The following CXADR variants were observed in gnomAD, a reference collection of about 807,000 sequenced individuals.
CXADR encodes coxsackievirus and adenovirus receptor.
In CXADR, 20 loss-of-function variants were observed where a neutral mutation model predicts 40.3. That is an observed-to-expected ratio of 0.50 (90% CI 0.35 to 0.72). The LOEUF (loss-of-function observed/expected upper bound fraction) is 0.72. Ranked by LOEUF, CXADR falls within the 30% of genes least tolerant of loss-of-function variation. The probability of loss-of-function intolerance (pLI) is 0.01; values close to 1 mark genes in which losing one functional copy is unlikely to be tolerated. For missense variants in CXADR, 332 were observed against 449.1 expected, an observed-to-expected ratio of 0.74 and a Z score of 2.36; for synonymous variants, 150 against 161.3, an observed-to-expected ratio of 0.93 and a Z score of 0.53.
chr21:17,602,636 A>T, the CXADR span, among the ~76,000 whole-genome samples: 2 of 152,228 alleles, frequency 1.3e-5, no homozygotes, highest in African/African-American at 2.4e-5. Flanking sequence ...TGTGAAAAAA[A>T]TCACATCAGA....
rs1445995889 is a variant in CXADR at position 17,513,932 on chromosome 21, T to A, written c.43+760T>A. 2.0e-5 allele frequency among the ~76,000 whole-genome samples: 3 copies of A among 152,288 alleles called. No homozygotes were observed. In the East Asian group the frequency reaches 5.8e-4, roughly 29 times the overall value. On this transcript the variant is annotated intron_variant, in intron 1 of 6. Transcript: ENST00000284878. Reference sequence around the variant, plus strand: ...ATTTTGGAGATAAGACGGGCTGAGTTGTACAGGGTAATTGCTAGAGGATTT... The same window carrying A: ...ATTTTGGAGATAAGACGGGCTGAGTAGTACAGGGTAATTGCTAGAGGATTT...
chr21:17,562,860 G>A (rs1015009546), intron 6 of CXADR, among the ~76,000 whole-genome samples: 2 of 152,128 alleles, frequency 1.3e-5, no homozygotes, highest in Non-Finnish European at 2.9e-5. Context: ...TTCTTCTGCA[G>A]CTGCCTTAGC....
chr21:17,589,308 G>A (rs1311577247), intron 7 of CXADR, among the ~76,000 whole-genome samples: 2 of 152,102 alleles, frequency 1.3e-5, no homozygotes, highest in East Asian at 3.9e-4. Context: ...ACAACAGATT[G>A]TCCACAAAAC....
At chr21:17,572,506 A>C (rs1298068595), downstream of CXADR, among the ~76,000 whole-genome samples, 1 of 152,218 alleles carries the variant, frequency 6.6e-6, no homozygotes, top group South Asian at 2.1e-4. Context: ...GCGAACACGG[A>C]AAACAGAACT....
the CXADR span, among the ~76,000 whole-genome samples, chr21:17,635,955 A>G: frequency 2.0e-5 from 3 of 152,212 alleles, no homozygotes; most frequent in Non-Finnish European, 4.4e-5. Context: ...GTCTTCTTTA[A>G]CATTTAATTT....
chr21:17,594,833 G>T (rs1324437601), downstream of CXADR, among the ~76,000 whole-genome samples: 1 of 151,948 alleles, frequency 6.6e-6, no homozygotes, highest in Non-Finnish European at 1.5e-5. Context: ...ATAGACATTG[G>T]AGTCTATTTG....
At chr21:17,609,241 T>TC in the CXADR span, 9 of 1,210,384 alleles carry the variant, frequency 7.4e-6, no homozygotes, top group African/African-American at 1.2e-4. Context: ...TTTACAGCTC[T>TC]CCCCTTCCTC....
At position 17,531,886 on chromosome 21, in the gene CXADR, G is replaced by A. The variant is rs903942421; in HGVS notation, c.44-15141G>A. On this transcript the variant is annotated intron_variant, in intron 1 of 6. Coordinates refer to ENST00000284878, the MANE Select transcript of CXADR (RefSeq NM_001338.5). ...TGTTGAGATTACAGGCTTGAGCTAC[G>A]GTACCTAGGGTCTAATAAAAGGTGT... is the stretch of plus-strand genomic sequence containing the variant. Among the ~76,000 whole-genome samples, 4 of 151,788 alleles carry A rather than the reference G, an allele frequency of 2.6e-5. No individual in the cohort carries two copies. The South Asian group carries it at 6.2e-4, about 24-fold the overall frequency.
chr21:17,546,340 A>T (rs1160440713), intron 1 of CXADR, among the ~76,000 whole-genome samples: 4 of 152,226 alleles, frequency 2.6e-5, no homozygotes, highest in African/African-American at 9.6e-5. Flanking sequence ...GACTGACCGT[A>T]TTAGTCCATT....
At chr21:17,575,569 C>T (rs1180623526) in intron 7 of CXADR, among the ~76,000 whole-genome samples, 1 of 149,318 alleles carries the variant, frequency 6.7e-6, no homozygotes, top group Non-Finnish European at 1.5e-5. Flanking sequence ...CTGCTCACTG[C>T]AAGCTCCGCC....
chr21:17,625,225 A>ATT, the CXADR span, among the ~76,000 whole-genome samples: 894 of 149,106 alleles, frequency 6.0e-3, 12 homozygotes, highest in African/African-American at 0.019. Context: ...CTAAGGAACT[A>ATT]TTTTTTTTTT....
intron 1 of CXADR, among the ~76,000 whole-genome samples, chr21:17,530,828 GA>G (rs2060664724): frequency 6.6e-6 from 1 of 152,040 alleles, no homozygotes; most frequent in Non-Finnish European, 1.5e-5. Context: ...AAAAGAAAAA[GA>G]AAATACTACT....
At chr21:17,622,085 C>A in the CXADR span, among the ~76,000 whole-genome samples, 1 of 152,140 alleles carries the variant, frequency 6.6e-6, no homozygotes, top group African/African-American at 2.4e-5. Flanking sequence ...AAAGGAATTG[C>A]CTCTGAGGCA....
At chr21:17,590,986 T>C (rs2123406259) in intron 7 of CXADR, among the ~76,000 whole-genome samples, 1 of 152,178 alleles carries the variant, frequency 6.6e-6, no homozygotes, top group South Asian at 2.1e-4. Context: ...GCCAAAGATT[T>C]ATTAGTGGTT....
chr21:17,573,549 A>G (rs780889168), downstream of CXADR, among the ~76,000 whole-genome samples: 2 of 152,150 alleles, frequency 1.3e-5, no homozygotes, highest in Non-Finnish European at 2.9e-5. Flanking sequence ...GGAATATACT[A>G]TCTTTATTTC....
chr21:17,547,898 TAA>T (rs1217884628), intron 2 of CXADR, among the ~76,000 whole-genome samples: 3 of 152,144 alleles, frequency 2.0e-5, no homozygotes, highest in African/African-American at 7.2e-5. Flanking sequence ...ATCAAAGTAA[TAA>T]GAGTCTAATG....
rs1282071445 is a variant in CXADR at position 17,581,259 on chromosome 21, CAA to C, written c.1018-11892_1018-11891del. ...TTGGTATAACAAGTAAAATTACAAT[CAA>C]TATATATGTATATATGTCATTTTGT... On this transcript the variant is annotated intron_variant, in intron 7 of 7. Coordinates refer to the CXADR transcript ENST00000400169. Among the ~76,000 whole-genome samples, 24 of 152,140 alleles carry C rather than the reference CAA, an allele frequency of 1.6e-4. No homozygotes were observed. In the East Asian group the frequency reaches 4.4e-3, roughly 28 times the overall value.
At chr21:17,626,486 TCTTA>T in the CXADR span, among the ~76,000 whole-genome samples, 3 of 152,310 alleles carry the variant, frequency 2.0e-5, no homozygotes, top group South Asian at 4.1e-4. Flanking sequence ...TTTCTTTATT[TCTTA>T]CTTGATGAAA....
Position 17,567,353 on chromosome 21 carries a change from A to G in CXADR, c.*1661A>G, listed in dbSNP as rs1486183050. The G allele has an allele frequency of 1.0e-6, 1 of 985,034 alleles. No homozygotes were observed. The highest frequency in any genetic ancestry group is 1.1e-4 in the East Asian group (1 of 8,832). 61.0% of individuals were successfully genotyped at this position (985,034 alleles called of 1,614,324 possible). A position where few individuals can be genotyped will look rare whatever the true frequency, so the allele number is the denominator to read the frequency against. ...TTACATATTTGGAAGCATTTTAAAA[A>G]CAGGTTTTAACCTTATGTAAAATTA... On this transcript the variant is annotated 3_prime_UTR_variant, in exon 7 of 7. Transcript: ENST00000284878.
Sources: allele counts gnomAD v4.1 joint callset (sites outside exome capture counted in the v4.1 genomes callset), GRCh38; gene constraint gnomAD v4.1.1; transcripts MANE v1.5; gene names NCBI Gene and HGNC (gene_info 2026-07-23, HGNC 2026-07-21).